Variants in AARSD1 observed in about 807,000 individuals in gnomAD.
AARSD1 encodes the protein alanyl-tRNA editing protein Aarsd1.
In AARSD1, 44 loss-of-function variants were observed where a neutral mutation model predicts 48.7. The ratio of observed to expected loss-of-function variants is 0.90; its 90% confidence interval spans 0.71 to 1.16. The LOEUF is 1.16. AARSD1 is among the 50% of genes most tolerant of loss of function. The probability of loss-of-function intolerance (pLI) is 0.00; values close to 1 mark genes in which losing one functional copy is unlikely to be tolerated. For missense variants in AARSD1, 511 were observed against 523.1 expected (o/e 0.98, Z 0.23); for synonymous variants, 189 against 194.9 (o/e 0.97, Z 0.25).
chr17:42,957,253 G>A (rs1222134072), intron 3 of AARSD1, 58 bp from the exon 4 acceptor site: 7 of 1,598,862 alleles, frequency 4.4e-6, no homozygotes, highest in Non-Finnish European at 6.0e-6. Flanking sequence ...CTCCCACAAT[G>A]ATAAAATATG....
Position 42,956,389 on chromosome 17 carries a change from T to C in AARSD1, c.546+15A>G. On this transcript the variant is annotated intron_variant, in intron 5 of 11. Coordinates refer to ENST00000427569, the MANE Select transcript of AARSD1 (RefSeq NM_001261434.2). ...AATCATTCCGCAGAAACCATCCCTCTGGCTCTACCCTTACCTGCTCCACCT... is the reference window on the plus strand; with the variant it reads ...AATCATTCCGCAGAAACCATCCCTCCGGCTCTACCCTTACCTGCTCCACCT... 6.2e-7 allele frequency: 1 copy of C among 1,614,060 alleles called. No homozygotes were observed. The highest frequency in any genetic ancestry group is 8.5e-7 in the Non-Finnish European group (1 of 1,179,992).
Position 42,955,960 on chromosome 17 carries a change from G to T in AARSD1, c.676C>A (p.Leu226Met), listed in dbSNP as rs1377846159. The T allele has an allele frequency of 6.2e-7, 1 of 1,613,890 alleles. No individual in the cohort carries two copies. Among genetic ancestry groups the T allele is most frequent in the Non-Finnish European group, 8.5e-7 (1 of 1,180,018 alleles). The change falls in exon 7 of 12, where the codon CTG becomes ATG. Residue 226 changes from leucine to methionine, a missense_variant. Coordinates refer to ENST00000427569, the MANE Select transcript of AARSD1 (RefSeq NM_001261434.2). Reference sequence around the variant, plus strand: ...TTCTTTTTCCCCTTCTCAGTGCCCAGAATCTTAATGACCTACATGAGGCAA... The same window carrying T: ...TTCTTTTTCCCCTTCTCAGTGCCCATAATCTTAATGACCTACATGAGGCAA... ...NLSDLQVIKI[L>M]GTEKGKKNRT...
In AARSD1 at chr17:42,961,220, C is replaced by T; in HGVS notation, c.303G>A (p.Arg101=). 1 of 1,613,754 alleles carries T rather than the reference C, an allele frequency of 6.2e-7. No individual in the cohort carries two copies. The highest frequency in any genetic ancestry group is 2.2e-5 in the East Asian group (1 of 44,888). Residue 101 remains arginine (R), a synonymous_variant, in exon 3 of 12, where the codon CGG becomes CGA. Coordinates refer to ENST00000427569, the MANE Select transcript of AARSD1 (RefSeq NM_001261434.2). The part of the protein sequence containing the change: ...SQVLVRVDWE[R]RFDHMQQHSG... Reference sequence around the variant, plus strand: ...AATGCTGCTGCATGTGGTCAAACCTCCGCTCCCAATCTACCCGGACCAGAA... The same window carrying T: ...AATGCTGCTGCATGTGGTCAAACCTTCGCTCCCAATCTACCCGGACCAGAA...
chr17:42,954,896 T>C lies in AARSD1; in HGVS notation c.933A>G (p.Gly311=). Reference sequence around the variant, plus strand: ...CTCACCTGTGTAATATGACCACACCTCCCCAGTCTGGACTGTTCCTGAGGC... The same window carrying C: ...CTCACCTGTGTAATATGACCACACCCCCCCAGTCTGGACTGTTCCTGAGGC... ...AHSLRNSPDW[G]GVVILHRKEG... is the part of the protein sequence containing the mutation. The change falls in exon 9 of 12, where the codon GGA becomes GGG. Residue 311 remains glycine (G), a synonymous_variant. Coordinates refer to ENST00000427569, the MANE Select transcript of AARSD1 (RefSeq NM_001261434.2). The C allele has an allele frequency of 6.2e-7, 1 of 1,614,046 alleles. No homozygotes were observed. The highest frequency in any genetic ancestry group is 8.5e-7 in the Non-Finnish European group (1 of 1,179,978).
At chr17:42,956,611 A>T in intron 4 of AARSD1, 51 bp from the exon 5 acceptor site, 7 of 1,510,182 alleles carry the variant, frequency 4.6e-6, no homozygotes, top group Non-Finnish European at 5.3e-6. Context: ...AACAAGAAAA[A>T]GCTGAAAGCT....
rs1262961528 is a variant in AARSD1, at chr17:42,961,366, T to TA, written c.172-16dup. 6.2e-7 allele frequency: 1 copy of TA among 1,613,624 alleles called. No homozygotes were observed. Among genetic ancestry groups the TA allele is most frequent in the Non-Finnish European group, 8.5e-7 (1 of 1,179,918 alleles). On this transcript the variant is annotated splice_polypyrimidine_tract_variant and intron_variant, in intron 2 of 11. Coordinates refer to ENST00000427569, the MANE Select transcript of AARSD1 (RefSeq NM_001261434.2). ...CGGTCATCAGGCTGGTGGAAATAAGTAAACGTAATCAATGGCAAGGCAGGG... is the reference window on the plus strand; with the variant it reads ...CGGTCATCAGGCTGGTGGAAATAAGTAAAACGTAATCAATGGCAAGGCAGGG...
At position 42,963,175 on chromosome 17, in the gene AARSD1, G is replaced by A. The variant is rs868648681; in HGVS notation, c.171+931C>T. 9.3e-5 allele frequency among the ~76,000 whole-genome samples: 14 copies of A among 149,966 alleles called. No individual in the cohort carries two copies. The Middle Eastern group carries it at 0.01, about 110-fold the overall frequency. ...TGGCTCACTGCAACTTCAGCCTCCC[G>A]GTTCAAGTGATTCTCATGCCTCAGC... On this transcript the variant is annotated intron_variant, in intron 2 of 11. Transcript: ENST00000427569.
At chr17:42,958,843 C>T in intron 3 of AARSD1, among the ~76,000 whole-genome samples, 1 of 149,740 alleles carries the variant, frequency 6.7e-6, no homozygotes, top group East Asian at 2.1e-4. Flanking sequence ...CCTGGGATTA[C>T]AGGCATGAGC....
intron 4 of AARSD1, among the ~76,000 whole-genome samples, 176 bp from the exon 5 acceptor site, chr17:42,956,736 C>T (rs1399269324): frequency 4.9e-5 from 6 of 123,222 alleles, no homozygotes; most frequent in African/African-American, 1.8e-4. Context: ...GGCGCGATCT[C>T]GGCTCACTGC....
intron 7 of AARSD1, 48 bp from the exon 8 acceptor site, chr17:42,955,272 C>T (rs1026647284): frequency 2.5e-6 from 4 of 1,609,362 alleles, no homozygotes; most frequent in Non-Finnish European, 1.7e-6. Flanking sequence ...CCAGTCGTTT[C>T]TGATGTTGGG....
chr17:42,961,373 A>G, intron 2 of AARSD1, 22 bp from the exon 3 acceptor site: 1 of 1,613,638 alleles, frequency 6.2e-7, no homozygotes, highest in Non-Finnish European at 8.5e-7. Context: ...AAGTAAACGT[A>G]ATCAATGGCA....
chr17:42,951,100 G>C (rs779845933), intron 11 of AARSD1, among the ~76,000 whole-genome samples: 1 of 152,220 alleles, frequency 6.6e-6, no homozygotes, highest in Non-Finnish European at 1.5e-5. Context: ...AGAGGTTGCA[G>C]TGAGCCGAGA....
chr17:42,956,429 C>T lies in AARSD1; in HGVS notation c.521G>A (p.Ser174Asn). ...CTGCTCCACCTCAGGATCATCCAGG[C>T]TCAGTTCTCGGACATTCACAGGCAG... ...DRLPVNVREL[S>N]LDDPEVEQVS... The change falls in exon 5 of 12, where the codon AGC becomes AAC. Residue 174 changes from serine (S) to asparagine (N), a missense_variant. Physicochemically the swap from Ser to Asn is conservative, Grantham distance 46. Transcript: ENST00000427569. 2.5e-6 allele frequency: 4 copies of T among 1,614,084 alleles called. No homozygotes were observed. The highest frequency in any genetic ancestry group is 3.4e-6 in the Non-Finnish European group (4 of 1,180,032).
intron 5 of AARSD1, 36 bp downstream of exon 5, chr17:42,956,368 A>C: frequency 6.2e-7 from 1 of 1,614,098 alleles, no homozygotes; most frequent in Non-Finnish European, 8.5e-7. Context: ...ATGAGGAATC[A>C]TTCCGCAGAA....
rs146850790 is a variant in AARSD1 at position 42,964,160 on chromosome 17, G to A, written c.117C>T (p.Ser39=). 100 of 1,614,080 alleles carry A rather than the reference G, an allele frequency of 6.2e-5. No homozygotes were observed. The highest frequency in any genetic ancestry group is 7.8e-5 in the Non-Finnish European group (92 of 1,180,050). The change falls in exon 2 of 12, where the codon AGC becomes AGT. Residue 39 remains serine, a synonymous_variant. Coordinates refer to ENST00000427569, the MANE Select transcript of AARSD1 (RefSeq NM_001261434.2). ...TGTCTTCCAGCACCACTTGGAAACC[G>A]CTCAGCACTTCTTTCTTGCCGTTGC... The part of the protein sequence containing the change: ...EGSNGKKEVL[S]GFQVVLEDTV...
chr17:42,959,626 A>G (rs1281546417), intron 3 of AARSD1, among the ~76,000 whole-genome samples: 1 of 150,956 alleles, frequency 6.6e-6, no homozygotes, highest in East Asian at 2.0e-4. Flanking sequence ...CCAGAGTGCT[A>G]GGACTACAGC....
chr17:42,960,744 A>C (rs900516183), intron 3 of AARSD1, among the ~76,000 whole-genome samples: 1 of 151,682 alleles, frequency 6.6e-6, no homozygotes, highest in Non-Finnish European at 1.5e-5. Context: ...AAAAAAGAAA[A>C]GAAACCAACA....
intron 3 of AARSD1, 133 bp from the exon 4 acceptor site, chr17:42,957,328 C>T: frequency 1.9e-6 from 2 of 1,029,318 alleles, no homozygotes; most frequent in Non-Finnish European, 2.7e-6. Context: ...GGGTAATACA[C>T]TTTAGATACT....
chr17:42,955,436 C>A, intron 7 of AARSD1: 8 of 283,886 alleles, frequency 2.8e-5, no homozygotes, highest in Middle Eastern at 1.2e-3. Flanking sequence ...AGCACTTGAT[C>A]TTTTTTTTTT....
Sources: gnomAD v4.1 joint callset for allele counts (sites outside exome capture counted in the v4.1 genomes callset) on GRCh38, gnomAD v4.1.1 for gene constraint, MANE v1.5 for transcripts, NCBI Gene and HGNC (gene_info 2026-07-23, HGNC 2026-07-21) for gene names.